The following SLC4A4 variants were observed in gnomAD, a reference collection of about 807,000 sequenced individuals.
SLC4A4 encodes electrogenic sodium bicarbonate cotransporter 1.
In SLC4A4, 27 loss-of-function variants were observed where a neutral mutation model predicts 111.5. The ratio of observed to expected loss-of-function variants is 0.24; its 90% CI spans 0.18 to 0.33. The LOEUF is 0.33. Among genes scored for constraint, SLC4A4 ranks in the 10% least tolerant of loss-of-function variants. The pLI is 1.00. For synonymous variants in SLC4A4, 443 were observed against 463.4 expected, an observed-to-expected ratio of 0.96 and a Z score of 0.57; for missense variants, 909 against 1,315.5, an observed-to-expected ratio of 0.69 and a Z score of 4.78.
chr4:71,068,357 G>A lies in SLC4A4; in HGVS notation c.-65+5569G>A, dbSNP rs544967569. 7.3e-5 allele frequency among the ~76,000 whole-genome samples: 11 copies of A among 150,570 alleles called. No individual in the cohort carries two copies. In the East Asian group the frequency reaches 1.2e-3, roughly 17 times the overall value. On this transcript the variant is annotated intron_variant, in intron 1 of 26. Coordinates refer to the SLC4A4 transcript ENST00000649996. ...TGGGATTACAGGCGTGAGCCACTGC[G>A]CCTGGCCACTGTTTGTTCAACAAAC...
chr4:71,300,696 G>A (rs1725178799), intron 3 of SLC4A4: 2 of 388,346 alleles, frequency 5.2e-6, no homozygotes, highest in South Asian at 4.7e-5. Flanking sequence ...TGATATGTAG[G>A]GGCATGGGGC....
intron 2 of SLC4A4, among the ~76,000 whole-genome samples, chr4:71,128,313 C>G (rs1195287959): frequency 6.6e-6 from 1 of 152,042 alleles, no homozygotes; most frequent in African/African-American, 2.4e-5. Context: ...TCGTGAGACC[C>G]ATTCACAATC....
chr4:71,563,113 A>C (rs1349948350), intron 23 of SLC4A4, among the ~76,000 whole-genome samples: 1 of 151,800 alleles, frequency 6.6e-6, no homozygotes, highest in African/African-American at 2.4e-5. Flanking sequence ...TCCCATGATT[A>C]GCTGCCTGGT....
At chr4:71,347,622 T>A (rs1489586267) in intron 4 of SLC4A4, among the ~76,000 whole-genome samples, 1 of 152,176 alleles carries the variant, frequency 6.6e-6, no homozygotes, top group African/African-American at 2.4e-5. Context: ...TATATGAATT[T>A]TGTGGGGACA....
At chr4:71,326,893 T>G (rs1051505268) in intron 3 of SLC4A4, among the ~76,000 whole-genome samples, 1 of 152,010 alleles carries the variant, frequency 6.6e-6, no homozygotes, top group African/African-American at 2.4e-5. Context: ...AAAACAGAAA[T>G]GAATACTTAA....
intron 18 of SLC4A4, among the ~76,000 whole-genome samples, chr4:71,538,332 G>C (rs1257196051): frequency 1.3e-5 from 2 of 151,856 alleles, no homozygotes; most frequent in African/African-American, 2.4e-5. Context: ...GGTTTATTAG[G>C]GTTTGCCTCT....
chr4:71,157,046 C>G (rs1744496881), intron 2 of SLC4A4, among the ~76,000 whole-genome samples: 1 of 152,124 alleles, frequency 6.6e-6, no homozygotes, highest in Non-Finnish European at 1.5e-5. Context: ...TTAATTATGG[C>G]TGGATTACTC....
chr4:71,536,485 T>TATATATATATATATATATA (rs760037325), intron 18 of SLC4A4, among the ~76,000 whole-genome samples: 1 of 84,032 alleles, frequency 1.2e-5, no homozygotes, highest in East Asian at 6.3e-4. Context: ...TATATATATA[T>TATATATATATATATATATA]ATGTATATAT....
At chr4:71,454,845 G>C (rs929830173) in intron 12 of SLC4A4, among the ~76,000 whole-genome samples, 2 of 152,146 alleles carry the variant, frequency 1.3e-5, no homozygotes, top group East Asian at 3.9e-4. Context: ...GGTTGGCTCA[G>C]CTGAGTGGTT....
chr4:71,479,455 A>G (rs1300249431), intron 14 of SLC4A4, among the ~76,000 whole-genome samples: 1 of 151,800 alleles, frequency 6.6e-6, no homozygotes, highest in Non-Finnish European at 1.5e-5. Context: ...TGTTATAGCC[A>G]TTCAAAAGAA....
rs115113788 is a variant in SLC4A4 at position 71,546,054 on chromosome 4, G to T, written c.2443-296G>T. 3.1e-3 allele frequency among the ~76,000 whole-genome samples: 478 copies of T among 152,130 alleles called. 2 individuals are homozygous for T. Among genetic ancestry groups the T allele is most frequent in the African/African-American group, 0.011 (467 of 41,546 alleles). ...TCTCCATTGTTCTGATTAGAAAATT[G>T]TATACAGATAGGTTAGGAATAAACA... On this transcript the variant is annotated intron_variant, in intron 18 of 25. Coordinates refer to ENST00000264485, the MANE Select transcript of SLC4A4 (RefSeq NM_001098484.3).
At chr4:71,482,915 C>T (rs1729017253) in intron 14 of SLC4A4, among the ~76,000 whole-genome samples, 1 of 151,548 alleles carries the variant, frequency 6.6e-6, no homozygotes, top group African/African-American at 2.4e-5. Context: ...AACTATAACC[C>T]TGGGCAAGTA....
In SLC4A4 at chr4:71,339,361, C is replaced by T. The variant is rs764820476; in HGVS notation, c.254-9C>T. 2.5e-6 allele frequency: 4 copies of T among 1,614,068 alleles called. No homozygotes were observed. In the Admixed American group the frequency reaches 6.7e-5, roughly 27 times the overall value. On this transcript the variant is annotated splice_polypyrimidine_tract_variant and intron_variant, in intron 3 of 25. Coordinates refer to ENST00000264485, the MANE Select transcript of SLC4A4 (RefSeq NM_001098484.3). Reference sequence around the variant, plus strand: ...CCAATGTTTAACCACAGTATTTTCACTTCTGCAGTCTCTCCTGCTGCAGAA... The same window carrying T: ...CCAATGTTTAACCACAGTATTTTCATTTCTGCAGTCTCTCCTGCTGCAGAA...
chr4:71,424,752 AAC>A, intron 7 of SLC4A4, among the ~76,000 whole-genome samples: 1 of 152,198 alleles, frequency 6.6e-6, no homozygotes, highest in East Asian at 1.9e-4. Context: ...CAAAAAACCA[AAC>A]ACCGCATATT....
At chr4:71,158,786 G>A (rs908936391) in intron 2 of SLC4A4, among the ~76,000 whole-genome samples, 5 of 152,182 alleles carry the variant, frequency 3.3e-5, no homozygotes, top group Non-Finnish European at 7.3e-5. Flanking sequence ...GGGCGGAGGA[G>A]AGTATGGGTA....
At chr4:71,354,094 TTTA>T (rs1398057551) in intron 5 of SLC4A4, among the ~76,000 whole-genome samples, 3 of 152,232 alleles carry the variant, frequency 2.0e-5, no homozygotes, top group Non-Finnish European at 4.4e-5. Flanking sequence ...TTTTAATAGC[TTTA>T]TTATTAGTAT....
intron 16 of SLC4A4, among the ~76,000 whole-genome samples, chr4:71,511,857 A>G (rs180953966): frequency 6.6e-6 from 1 of 152,304 alleles, no homozygotes; most frequent in East Asian, 1.9e-4. Context: ...TATGAGTGAT[A>G]ACATGCACTA....
intron 1 of SLC4A4, among the ~76,000 whole-genome samples, chr4:71,226,826 G>C (rs910100651): frequency 1.3e-5 from 2 of 152,008 alleles, no homozygotes; most frequent in Non-Finnish European, 2.9e-5. Context: ...TTGACTGATG[G>C]ATTGATTCAT....
intron 8 of SLC4A4, among the ~76,000 whole-genome samples, chr4:71,445,387 T>C (rs1190499464): frequency 3.3e-5 from 5 of 152,176 alleles, no homozygotes; most frequent in Admixed American, 2.0e-4. Context: ...TAACTCATTA[T>C]CAGTGTCAGT....
Sources: allele counts gnomAD v4.1 joint callset (sites outside exome capture counted in the v4.1 genomes callset), GRCh38; gene constraint gnomAD v4.1.1; transcripts MANE v1.5; gene names NCBI Gene and HGNC (gene_info 2026-07-23, HGNC 2026-07-21).